METTL14: variants seen among roughly 807,000 people sequenced by gnomAD.
METTL14 encodes the protein N(6)-adenosine-methyltransferase non-catalytic subunit METTL14.
Under a neutral mutation model 62.4 loss-of-function variants are expected in METTL14, and 32 were observed. The ratio of observed to expected loss-of-function variants is 0.51; its 90% CI spans 0.39 to 0.69. The LOEUF is 0.69. Ranked by LOEUF, METTL14 falls within the 30% of genes least tolerant of loss-of-function variation. The probability of loss-of-function intolerance (pLI) is 0.00; values close to 1 mark genes in which losing one functional copy is unlikely to be tolerated. For synonymous variants in METTL14, 150 were observed against 180.0 expected (o/e 0.83, Z 1.34); for missense variants, 340 against 551.9 (o/e 0.62, Z 3.85).
In METTL14 at chr4:118,711,358, A is replaced by G. The variant is rs1223415442; in HGVS notation, c.*1056A>G. On this transcript the variant is annotated 3_prime_UTR_variant, in exon 11 of 11. Transcript: ENST00000388822. The stretch of plus-strand genomic sequence containing the variant: ...TGCTGTACTGTAATTCATGTTTTAA[A>G]TGAATTTGATAATGAAATTATACTA... The G allele has an allele frequency of 6.6e-6, 1 of 152,220 alleles. No homozygotes were observed. Among genetic ancestry groups the G allele is most frequent in the Non-Finnish European group, 1.5e-5 (1 of 68,050 alleles). The allele number at this position is 152,220 out of a possible 1,614,324, so 9.4% of individuals were successfully genotyped here. A position where few individuals can be genotyped will look rare whatever the true frequency, so the allele number is the denominator to read the frequency against.
chr4:118,702,118 CTTTTT>C (rs70944803), intron 8 of METTL14, among the ~76,000 whole-genome samples: 1 of 128,664 alleles, frequency 7.8e-6, no homozygotes. Flanking sequence ...AGGTTTTTAT[CTTTTT>C]TTTTTTTTTT....
chr4:118,696,282 T>A (rs1724410281), intron 6 of METTL14, among the ~76,000 whole-genome samples: 1 of 152,048 alleles, frequency 6.6e-6, no homozygotes, highest in East Asian at 1.9e-4. Context: ...TTTATTTAAA[T>A]AGAGACAGGG....
intron 3 of METTL14, 97 bp from the exon 4 acceptor site, chr4:118,691,435 A>C (rs1249422492): frequency 4.7e-6 from 3 of 633,824 alleles, no homozygotes; most frequent in Non-Finnish European, 7.8e-6. Flanking sequence ...ACATTTATTA[A>C]ATCTTAAGGA....
At chr4:118,687,222 A>G (rs931894964) in intron 1 of METTL14, among the ~76,000 whole-genome samples, 3 of 152,194 alleles carry the variant, frequency 2.0e-5, no homozygotes, top group African/African-American at 7.2e-5. Context: ...AGGATTTGGA[A>G]TATTTGCATA....
chr4:118,689,230 C>A, intron 2 of METTL14, 140 bp from the exon 3 acceptor site: 1 of 451,636 alleles, frequency 2.2e-6, no homozygotes, highest in Non-Finnish European at 4.0e-6. Flanking sequence ...TTTTGGATGA[C>A]TTATAAACTG....
At chr4:118,693,636 T>G (rs1191120363) in intron 5 of METTL14, among the ~76,000 whole-genome samples, 1 of 152,186 alleles carries the variant, frequency 6.6e-6, no homozygotes, top group Admixed American at 6.5e-5. Flanking sequence ...AATTTATGGT[T>G]AAATTGTATA....
chr4:118,697,427 G>A, intron 7 of METTL14, 104 bp downstream of exon 7: 1 of 977,082 alleles, frequency 1.0e-6, no homozygotes, highest in Non-Finnish European at 1.5e-6. Context: ...CTTTTGTAGG[G>A]ATTATAAATG....
intron 10 of METTL14, among the ~76,000 whole-genome samples, chr4:118,707,552 T>C (rs551736578): frequency 8.3e-4 from 125 of 150,206 alleles, no homozygotes; most frequent in African/African-American, 2.9e-3. Context: ...TAATCCCAGC[T>C]ACTTGGGAGG....
At chr4:118,698,878 C>T (rs1254837447) in intron 7 of METTL14, among the ~76,000 whole-genome samples, 1 of 152,074 alleles carries the variant, frequency 6.6e-6, no homozygotes, top group African/African-American at 2.4e-5. Context: ...CACATAAAAT[C>T]CATGTAAATA....
chr4:118,709,933 C>G, intron 10 of METTL14, 65 bp from the exon 11 acceptor site: 1 of 1,464,308 alleles, frequency 6.8e-7, no homozygotes, highest in Non-Finnish European at 9.2e-7. Flanking sequence ...TTTGAACTAG[C>G]TTCTAAAGAA....
intron 5 of METTL14, among the ~76,000 whole-genome samples, chr4:118,693,252 CT>C (rs980144120): frequency 2.0e-5 from 3 of 152,188 alleles, no homozygotes; most frequent in Non-Finnish European, 2.9e-5. Context: ...TATTGAGCAT[CT>C]TTTTTTATGC....
At chr4:118,709,413 G>T (rs2110411865) in intron 10 of METTL14, among the ~76,000 whole-genome samples, 1 of 152,224 alleles carries the variant, frequency 6.6e-6, no homozygotes, top group Admixed American at 6.5e-5. Flanking sequence ...GCTATAGGTT[G>T]GGAGATCATT....
intron 6 of METTL14, 30 bp from the exon 7 acceptor site, chr4:118,697,152 A>G: frequency 1.3e-6 from 2 of 1,542,646 alleles, no homozygotes; most frequent in Admixed American, 2.3e-5. Flanking sequence ...TTTTTTTAAA[A>G]ACCTCATTTT....
At chr4:118,697,941 C>G (rs10017799) in intron 7 of METTL14, among the ~76,000 whole-genome samples, 11 of 151,974 alleles carry the variant, frequency 7.2e-5, no homozygotes, top group African/African-American at 2.4e-4. Flanking sequence ...GAAGGAACAA[C>G]AAGAACAGAG....
At chr4:118,690,677 CAA>C (rs1046821905) in intron 3 of METTL14, among the ~76,000 whole-genome samples, 10 of 74,930 alleles carry the variant, frequency 1.3e-4, no homozygotes, top group Admixed American at 1.5e-4. Flanking sequence ...GACTCTGTCT[CAA>C]AAAAAAAAAA....
At chr4:118,690,260 G>A (rs944045043) in intron 3 of METTL14, among the ~76,000 whole-genome samples, 3 of 149,960 alleles carry the variant, frequency 2.0e-5, no homozygotes, top group East Asian at 2.0e-4. Context: ...GGCTCGTCTC[G>A]AACTCCTGAC....
In METTL14 at chr4:118,685,603, C is replaced by T. The variant is rs1390913700; in HGVS notation, c.66+3C>T. 3.1e-6 allele frequency: 5 copies of T among 1,613,836 alleles called. No individual in the cohort carries two copies. The highest frequency in any genetic ancestry group is 4.2e-6 in the Non-Finnish European group (5 of 1,179,908). ...GGCGACAGCTCCTCGCGCAGCAGGT[C>T]CGCGGCCCTGGTGTCCCCTGTGGGA... is the stretch of plus-strand genomic sequence containing the variant. On this transcript the variant is annotated splice_donor_region_variant and intron_variant, in intron 1 of 10. Transcript: ENST00000388822.
At chr4:118,690,655 G>A (rs1376183297) in intron 3 of METTL14, among the ~76,000 whole-genome samples, 1 of 150,800 alleles carries the variant, frequency 6.6e-6, no homozygotes, top group African/African-American at 2.4e-5. Context: ...ACTCCAGCCT[G>A]GGCAACAGAG....
chr4:118,690,035 CTTTTTTT>C lies in METTL14; in HGVS notation c.243+593_243+599del, dbSNP rs70941200. Among the ~76,000 whole-genome samples the C allele has an allele frequency of 1.2e-4, 10 of 86,656 alleles. No individual in the cohort carries two copies. In the East Asian group the frequency reaches 3.0e-3, roughly 26 times the overall value. 56.8% of individuals were successfully genotyped at this position (86,656 alleles called of 152,430 possible). ...CTGGTAAGAACTAGGTAATAATATT[CTTTTTTT>C]TTTTTTTTTTTTTTGTGAGACAGAG... On this transcript the variant is annotated intron_variant, in intron 3 of 10. Coordinates refer to ENST00000388822, the MANE Select transcript of METTL14 (RefSeq NM_020961.4).
Sources: gnomAD v4.1 joint callset for allele counts (sites outside exome capture counted in the v4.1 genomes callset) on GRCh38, gnomAD v4.1.1 for gene constraint, MANE v1.5 for transcripts, NCBI Gene and HGNC (gene_info 2026-07-23, HGNC 2026-07-21) for gene names.